The following NET1 variants were observed in gnomAD, a reference collection of about 807,000 sequenced individuals.
NET1 encodes the protein neuroepithelial cell-transforming gene 1 protein.
In NET1, 42 loss-of-function variants were observed where a neutral mutation model predicts 61.1. The observed-to-expected ratio is 0.69, with a 90% CI of 0.54 to 0.89. The LOEUF is 0.89. NET1 is among the 40% of genes least tolerant of loss of function. The pLI, the probability that NET1 is intolerant of heterozygous loss-of-function variation, is 0.00. For synonymous variants in NET1, 254 were observed against 281.8 expected (o/e 0.90, Z 0.99); for missense variants, 654 against 747.3 (o/e 0.88, Z 1.46).
At position 5,420,079 on chromosome 10, in the gene NET1, G is replaced by A. The variant is rs1832147057; in HGVS notation, c.129-6576G>A. Among the ~76,000 whole-genome samples the A allele has an allele frequency of 6.6e-6, 1 of 152,112 alleles. No homozygotes were observed. The highest frequency in any genetic ancestry group is 1.5e-5 in the Non-Finnish European group (1 of 68,014). On this transcript the variant is annotated intron_variant, in intron 1 of 11. Coordinates refer to ENST00000355029, the MANE Select transcript of NET1 (RefSeq NM_001047160.3). This position sits in a 1 kb window ranked among gnomAD's most constrained non-coding sequence, Gnocchi z 5.3. ...TTTCAATAAATTTGGAGAAGCTTCA[G>A]CCATTGTTTCTCTGAAGTTTTTTTC...
intron 3 of NET1, among the ~76,000 whole-genome samples, chr10:5,445,627 G>A (rs569298375): frequency 1.3e-5 from 2 of 152,106 alleles, no homozygotes; most frequent in Admixed American, 6.5e-5. Flanking sequence ...AACGAATTTT[G>A]TGTTTAAAAG....
chr10:5,458,441 A>T lies in NET1; in HGVS notation c.*1447A>T, dbSNP rs563738980. ...CTGTACAAATGAATGATACTATTAA[A>T]AAAAAAAAAAGCACACACATAATCA... On this transcript the variant is annotated 3_prime_UTR_variant, in exon 12 of 12. Coordinates refer to ENST00000355029, the MANE Select transcript of NET1 (RefSeq NM_001047160.3). This position sits in a 1 kb window ranked among gnomAD's most constrained non-coding sequence, Gnocchi z 4.5. 6.6e-6 allele frequency: 1 copy of T among 152,196 alleles called. No homozygotes were observed. Among genetic ancestry groups the T allele is most frequent in the Non-Finnish European group, 1.5e-5 (1 of 67,878 alleles). 9.4% of individuals were successfully genotyped at this position (152,196 alleles called of 1,614,324 possible).
chr10:5,416,176 AC>A lies in NET1; in HGVS notation c.128+3359del, dbSNP rs1832079913. Among the ~76,000 whole-genome samples the A allele has an allele frequency of 6.6e-6, 1 of 152,130 alleles. No homozygotes were observed. Among genetic ancestry groups the A allele is most frequent in the East Asian group, 1.9e-4 (1 of 5,190 alleles). ...CTTTCTCCCACTGAGTAGTCTTAGC[AC>A]CCTTGTCAAAAATCAGTTGACCTTA... On this transcript the variant is annotated intron_variant, in intron 1 of 11. Coordinates refer to ENST00000355029, the MANE Select transcript of NET1 (RefSeq NM_001047160.3). This position sits in a 1 kb window ranked among gnomAD's most constrained non-coding sequence, Gnocchi z 6.1.
At position 5,427,052 on chromosome 10, in the gene NET1, T is replaced by C. The variant is rs1332867543; in HGVS notation, c.195+331T>C. ...ATTTTTATACATCCTCTACTGCCTTTTTTTCTTGGTTGAAAATATAAAAAT... is the reference window on the plus strand; with the variant it reads ...ATTTTTATACATCCTCTACTGCCTTCTTTTCTTGGTTGAAAATATAAAAAT... On this transcript the variant is annotated intron_variant, in intron 2 of 11. Coordinates refer to ENST00000355029, the MANE Select transcript of NET1 (RefSeq NM_001047160.3). This position sits in a 1 kb window ranked among gnomAD's most constrained non-coding sequence, Gnocchi z 4.1. 6.6e-6 allele frequency among the ~76,000 whole-genome samples: 1 copy of C among 152,084 alleles called. No individual in the cohort carries two copies. The highest frequency in any genetic ancestry group is 2.4e-5 in the African/African-American group (1 of 41,444).
At chr10:5,450,128 T>C (rs1292848850) in intron 3 of NET1, among the ~76,000 whole-genome samples, 1 of 152,236 alleles carries the variant, frequency 6.6e-6, no homozygotes, top group Non-Finnish European at 1.5e-5. Flanking sequence ...AAGCACAGCG[T>C]GTGCCATCTT....
chr10:5,453,976 A>G lies in NET1; in HGVS notation c.769-289A>G, dbSNP rs1186143724. On this transcript the variant is annotated intron_variant, in intron 8 of 11. Coordinates refer to ENST00000355029, the MANE Select transcript of NET1 (RefSeq NM_001047160.3). The surrounding 1 kb of genome is among the most constrained non-coding windows in gnomAD (Gnocchi z 4.9). ...TAAACAGTCTCAGGGCTGGTGGCAA[A>G]TGGAGGACACTCAAGTGTCCTGGGA... Among the ~76,000 whole-genome samples, 2 of 152,192 alleles carry G rather than the reference A, an allele frequency of 1.3e-5. No individual in the cohort carries two copies. The highest frequency in any genetic ancestry group is 2.9e-5 in the Non-Finnish European group (2 of 68,028).
chr10:5,419,856 C>A (rs1832143048), intron 1 of NET1, among the ~76,000 whole-genome samples: 1 of 150,854 alleles, frequency 6.6e-6, no homozygotes, highest in African/African-American at 2.4e-5. Context: ...CTGCTTCTGT[C>A]TTCCATTGTT....
intron 3 of NET1, among the ~76,000 whole-genome samples, chr10:5,429,750 TA>T (rs951535687): frequency 2.0e-5 from 3 of 152,354 alleles, no homozygotes; most frequent in African/African-American, 7.2e-5. Flanking sequence ...GCACACACTT[TA>T]AAATACTTGA....
rs938416597 is a variant in NET1, at chr10:5,455,416, CA to C, written c.1197+306del. On this transcript the variant is annotated intron_variant, in intron 10 of 11. Transcript: ENST00000355029. The surrounding 1 kb of genome is among the most constrained non-coding windows in gnomAD (Gnocchi z 6.5). ...TAATGCTTAATAAAAAAGCATCCTTCAAAAAAAACTTCTAAGAGTTTATCTT... is the reference window on the plus strand; with the variant it reads ...TAATGCTTAATAAAAAAGCATCCTTCAAAAAAACTTCTAAGAGTTTATCTT... Among the ~76,000 whole-genome samples, 10 of 151,770 alleles carry C rather than the reference CA, an allele frequency of 6.6e-5. No individual in the cohort carries two copies. Among genetic ancestry groups the C allele is most frequent in the Admixed American group, 2.0e-4 (3 of 15,262 alleles).
rs10752012 is a variant in NET1 at position 5,437,113 on chromosome 10, C to T, written c.255+7884C>T. 0.66 allele frequency among the ~76,000 whole-genome samples: 99,629 copies of T among 152,028 alleles called. 32,820 individuals are homozygous for T. Among genetic ancestry groups the T allele is most frequent in the Admixed American group, 0.72 (11,031 of 15,290 alleles). ...AAATACTTATGTCTCCTTTTTAATA[C>T]ATGAATACATTGTTCTGGCAAAAAA... On this transcript the variant is annotated intron_variant, in intron 3 of 11. Transcript: ENST00000355029. This position sits in a 1 kb window ranked among gnomAD's most constrained non-coding sequence, Gnocchi z 4.3.
intron 3 of NET1, among the ~76,000 whole-genome samples, chr10:5,445,577 A>G (rs1305709578): frequency 6.6e-6 from 1 of 152,194 alleles, no homozygotes. Flanking sequence ...ATCATATTAT[A>G]GTAGTTTATA....
chr10:5,428,128 G>C (rs370347626), intron 2 of NET1, among the ~76,000 whole-genome samples: 1 of 146,130 alleles, frequency 6.8e-6, no homozygotes, highest in African/African-American at 2.5e-5. Flanking sequence ...TCTCCTCACT[G>C]TGGGGCCAGG....
In NET1 at chr10:5,420,144, A is replaced by T. The variant is rs541095256; in HGVS notation, c.129-6511A>T. Reference sequence around the variant, plus strand: ...TTCCTCTCTTTCTGATATTCCCATTATGTGTATTTGAAGGGAAATATAGCA... The same window carrying T: ...TTCCTCTCTTTCTGATATTCCCATTTTGTGTATTTGAAGGGAAATATAGCA... On this transcript the variant is annotated intron_variant, in intron 1 of 11. Coordinates refer to ENST00000355029, the MANE Select transcript of NET1 (RefSeq NM_001047160.3). The surrounding 1 kb of genome is among the most constrained non-coding windows in gnomAD (Gnocchi z 5.3). Among the ~76,000 whole-genome samples the T allele has an allele frequency of 6.6e-6, 1 of 152,086 alleles. No individual in the cohort carries two copies. The highest frequency in any genetic ancestry group is 2.4e-5 in the African/African-American group (1 of 41,398).
At chr10:5,419,068 A>G (rs1317391318) in intron 1 of NET1, among the ~76,000 whole-genome samples, 1 of 152,174 alleles carries the variant, frequency 6.6e-6, no homozygotes, top group Admixed American at 6.5e-5. Context: ...CTGTTTTTAT[A>G]TGCACATATG....
chr10:5,432,178 T>G (rs189730423), intron 3 of NET1, among the ~76,000 whole-genome samples: 73 of 152,350 alleles, frequency 4.8e-4, no homozygotes, highest in African/African-American at 1.7e-3. Context: ...GATTGGTCAT[T>G]GTTGATAGGA....
Position 5,447,237 on chromosome 10 carries a change from A to G in NET1, c.256-4593A>G, listed in dbSNP as rs1024496545. Among the ~76,000 whole-genome samples, 9 of 152,344 alleles carry G rather than the reference A, an allele frequency of 5.9e-5. No individual in the cohort carries two copies. In the South Asian group the frequency reaches 6.2e-4, roughly 11 times the overall value. The stretch of plus-strand genomic sequence containing the variant: ...AAAAGAATCCCGTTCTTGTAAATCA[A>G]TGCTAGTGAACAAATTGCAACTAAA... On this transcript the variant is annotated intron_variant, in intron 3 of 11. Transcript: ENST00000355029. The surrounding 1 kb of genome is among the most constrained non-coding windows in gnomAD (Gnocchi z 4.1).
chr10:5,438,736 TAA>T (rs891343655), intron 3 of NET1, among the ~76,000 whole-genome samples: 5 of 152,248 alleles, frequency 3.3e-5, no homozygotes, highest in African/African-American at 7.2e-5. Flanking sequence ...TAAGCCATTC[TAA>T]GAGATCAGTA....
rs187784454 is a variant in NET1, at chr10:5,453,594, T to C, written c.768+34T>C. ...TGAGTTGTTGACCCCAGATACAGTT[T>C]CTTACAGATGTGCCATGTTGCAGTT... On this transcript the variant is annotated intron_variant, in intron 8 of 11. Coordinates refer to ENST00000355029, the MANE Select transcript of NET1 (RefSeq NM_001047160.3). This position sits in a 1 kb window ranked among gnomAD's most constrained non-coding sequence, Gnocchi z 4.9. The C allele has an allele frequency of 6.5e-5, 103 of 1,572,818 alleles. No homozygotes were observed. In the African/African-American group the frequency reaches 1.3e-3, roughly 20 times the overall value.
At position 5,446,726 on chromosome 10, in the gene NET1, G is replaced by A. The variant is rs768349759; in HGVS notation, c.256-5104G>A. ...AGCGTCGCTACAGCGCTGACTCGGT[G>A]TGGATTGATTGGAAAGGTTTGAGGG... On this transcript the variant is annotated intron_variant, in intron 3 of 11. Coordinates refer to ENST00000355029, the MANE Select transcript of NET1 (RefSeq NM_001047160.3). This position sits in a 1 kb window ranked among gnomAD's most constrained non-coding sequence, Gnocchi z 5.0. The A allele has an allele frequency of 1.3e-6, 2 of 1,568,248 alleles. No individual in the cohort carries two copies. Among genetic ancestry groups the A allele is most frequent in the South Asian group, 1.2e-5 (1 of 83,886 alleles).
Sources: allele counts gnomAD v4.1 joint callset (sites outside exome capture counted in the v4.1 genomes callset), GRCh38; gene constraint gnomAD v4.1.1; non-coding constraint Gnocchi (gnomAD v3.1); transcripts MANE v1.5; gene names NCBI Gene and HGNC (gene_info 2026-07-23, HGNC 2026-07-21).